Variants in SFT2D1 observed in about 807,000 individuals in gnomAD.
The protein encoded by SFT2D1 is vesicle transport protein SFT2A.
A neutral mutation model predicts 28.1 loss-of-function variants in SFT2D1; 24 were observed. That is an observed-to-expected ratio of 0.85 (90% CI 0.62 to 1.20). The LOEUF is 1.20. Ranked by LOEUF, SFT2D1 falls within the 50% of genes most tolerant of loss-of-function variation. The pLI, the probability that SFT2D1 is intolerant of heterozygous loss-of-function variation, is 0.00. For missense variants in SFT2D1, 181 were observed against 190.9 expected (o/e 0.95, Z 0.31); for synonymous variants, 82 against 73.7 (o/e 1.11, Z -0.58).
chr6:166,335,258 G>A (rs757390146), intron 1 of SFT2D1: 15 of 587,736 alleles, frequency 2.6e-5, no homozygotes, highest in Non-Finnish European at 4.2e-5. Context: ...GATGGCTTTG[G>A]TGGCAGCTGT....
Position 166,342,311 on chromosome 6 carries a change from G to A in SFT2D1, c.63+108C>T, listed in dbSNP as rs1778799263. The stretch of plus-strand genomic sequence containing the variant: ...TCCTAAATCAACCAGCCGGGCAGAG[G>A]AGTCCCAGACCCCCGGCCTCGCACC... On this transcript the variant is annotated intron_variant, in intron 1 of 7. Transcript: ENST00000361731. 32 of 933,652 alleles carry A rather than the reference G, an allele frequency of 3.4e-5. 1 individual carries two copies. The South Asian group carries it at 5.0e-4, about 15-fold the overall frequency. The allele number at this position is 933,652 out of a possible 1,614,324, so 57.8% of individuals were successfully genotyped here. A position where few individuals can be genotyped will look rare whatever the true frequency, so the allele number is the denominator to read the frequency against.
chr6:166,321,443 G>A (rs939547807), intron 7 of SFT2D1, among the ~76,000 whole-genome samples: 1 of 152,144 alleles, frequency 6.6e-6, no homozygotes, highest in African/African-American at 2.4e-5. Flanking sequence ...GCACCAAGAA[G>A]TATTGGAGGT....
chr6:166,329,397 G>T, intron 3 of SFT2D1, 110 bp downstream of exon 3: 1 of 805,506 alleles, frequency 1.2e-6, no homozygotes, highest in Non-Finnish European at 2.0e-6. Context: ...TCCTGTGGCT[G>T]AATTCACAGT....
intron 1 of SFT2D1, among the ~76,000 whole-genome samples, chr6:166,341,057 A>G (rs915971657): frequency 6.6e-6 from 1 of 152,254 alleles, no homozygotes; most frequent in Non-Finnish European, 1.5e-5. Context: ...TGTTTAATAC[A>G]GTAGCCTTTA....
At chr6:166,335,221 G>C (rs939252049) in intron 1 of SFT2D1, 2 of 604,690 alleles carry the variant, frequency 3.3e-6, no homozygotes, top group African/African-American at 1.8e-5. Flanking sequence ...TGACAACTTC[G>C]GTCATGGAGG....
chr6:166,330,396 G>T, intron 1 of SFT2D1, 149 bp from the exon 2 acceptor site: 1 of 622,590 alleles, frequency 1.6e-6, no homozygotes, highest in Non-Finnish European at 2.8e-6. Context: ...AGATTCCACG[G>T]TTGTTAAGGG....
chr6:166,321,054 T>C (rs1778345788), intron 7 of SFT2D1, among the ~76,000 whole-genome samples: 1 of 151,510 alleles, frequency 6.6e-6, no homozygotes, highest in African/African-American at 2.4e-5. Flanking sequence ...GAGGTTGCAG[T>C]GAGCAGAGAT....
intron 5 of SFT2D1, 116 bp downstream of exon 5, chr6:166,326,016 C>A: frequency 2.9e-6 from 3 of 1,038,880 alleles, no homozygotes; most frequent in Non-Finnish European, 4.4e-6. Context: ...AACACCTAAT[C>A]TTTAGAGAGT....
At chr6:166,328,406 T>G (rs772325625) in intron 3 of SFT2D1, 49 bp from the exon 4 acceptor site, 1 of 1,095,002 alleles carries the variant, frequency 9.1e-7, no homozygotes, top group Non-Finnish European at 1.3e-6. Context: ...CTAATTTATC[T>G]GGTTATGCAA....
chr6:166,335,740 G>A (rs1778637138), intron 1 of SFT2D1, among the ~76,000 whole-genome samples: 1 of 152,234 alleles, frequency 6.6e-6, no homozygotes, highest in African/African-American at 2.4e-5. Flanking sequence ...CATGGCACTG[G>A]CAGAAGATTT....
chr6:166,322,414 G>T (rs550501685), intron 7 of SFT2D1, among the ~76,000 whole-genome samples: 2 of 152,064 alleles, frequency 1.3e-5, no homozygotes, highest in East Asian at 3.9e-4. Context: ...GTTTACTGCC[G>T]GGCGCGGTGG....
chr6:166,341,480 C>G (rs1428297173), intron 1 of SFT2D1, among the ~76,000 whole-genome samples: 1 of 150,584 alleles, frequency 6.6e-6, no homozygotes, highest in Non-Finnish European at 1.5e-5. Flanking sequence ...TCATTGGCCA[C>G]ATGTGGCTGT....
Position 166,322,852 on chromosome 6 carries a change from C to T in SFT2D1, c.440+5G>A. 1 of 1,609,796 alleles carries T rather than the reference C, an allele frequency of 6.2e-7. No homozygotes were observed. On this transcript the variant is annotated splice_donor_5th_base_variant and intron_variant, in intron 7 of 7. Coordinates refer to ENST00000361731, the MANE Select transcript of SFT2D1 (RefSeq NM_145169.3). ...AGAAAGAAGACAAGATTCAAACAAG[C>T]TTACCTTGCATATGGGATGTACGAC... is the stretch of plus-strand genomic sequence containing the variant.
chr6:166,334,267 C>T lies in SFT2D1; in HGVS notation c.64-4020G>A, dbSNP rs148560962. Among the ~76,000 whole-genome samples, 504 of 152,274 alleles carry T rather than the reference C, an allele frequency of 3.3e-3. 9 individuals are homozygous for T. In the East Asian group the frequency reaches 0.042, roughly 13 times the overall value. ...TAAGTGCTGGGTAAGGGATCCAGCT[C>T]CTGGTTAAAAATCTATGTGCTGGCT... On this transcript the variant is annotated intron_variant, in intron 1 of 7. Coordinates refer to ENST00000361731, the MANE Select transcript of SFT2D1 (RefSeq NM_145169.3).
intron 3 of SFT2D1, among the ~76,000 whole-genome samples, chr6:166,328,816 TTC>T (rs1245839877): frequency 3.9e-5 from 6 of 152,192 alleles, no homozygotes; most frequent in Non-Finnish European, 8.8e-5. Flanking sequence ...GTCTACAGTA[TTC>T]TGTTACTGCA....
chr6:166,323,224 G>A, intron 6 of SFT2D1: 4 of 217,060 alleles, frequency 1.8e-5, no homozygotes, highest in South Asian at 1.9e-4. Context: ...TCTCCTTTAG[G>A]GATAAATCAA....
chr6:166,320,314 G>A (rs1562440446), intron 7 of SFT2D1, 58 bp from the exon 8 acceptor site: 23 of 1,433,006 alleles, frequency 1.6e-5, no homozygotes, highest in South Asian at 4.9e-5. Flanking sequence ...GCAAAGTTGC[G>A]CAAAATGTTC....
At chr6:166,322,564 G>C (rs781730699) in intron 7 of SFT2D1, among the ~76,000 whole-genome samples, 2 of 151,626 alleles carry the variant, frequency 1.3e-5, no homozygotes, top group Admixed American at 6.6e-5. Context: ...ATGGCAGTAC[G>C]CGCCTGTAGT....
intron 1 of SFT2D1, among the ~76,000 whole-genome samples, chr6:166,341,278 C>T (rs1778775190): frequency 1.3e-5 from 2 of 151,998 alleles, no homozygotes; most frequent in Admixed American, 1.3e-4. Flanking sequence ...AAACCCCCAT[C>T]TCTACTAAAA....
Sources: gnomAD v4.1 joint callset for allele counts (sites outside exome capture counted in the v4.1 genomes callset) on GRCh38, gnomAD v4.1.1 for gene constraint, MANE v1.5 for transcripts, NCBI Gene and HGNC (gene_info 2026-07-23, HGNC 2026-07-21) for gene names.